OSBPL1A: variants seen among roughly 807,000 people sequenced by gnomAD.
The protein encoded by OSBPL1A is oxysterol binding protein like 1A, also known as oxysterol-binding protein-related protein 1.
Under a neutral mutation model 137.1 loss-of-function variants are expected in OSBPL1A, and 80 were observed. The ratio of observed to expected loss-of-function variants is 0.58; its 90% confidence interval spans 0.49 to 0.70. The LOEUF is 0.70. Among genes scored for constraint, OSBPL1A ranks in the 30% least tolerant of loss-of-function variants. The probability of loss-of-function intolerance (pLI) is 0.00; values close to 1 mark genes in which losing one functional copy is unlikely to be tolerated. For synonymous variants in OSBPL1A, 365 were observed against 389.7 expected, an observed-to-expected ratio of 0.94 and a Z score of 0.75; for missense variants, 970 against 1,129.4, an observed-to-expected ratio of 0.86 and a Z score of 2.02.
chr18:24,204,599 T>C (rs2087317663), intron 17 of OSBPL1A, among the ~76,000 whole-genome samples: 2 of 151,372 alleles, frequency 1.3e-5, no homozygotes, highest in South Asian at 4.2e-4. Context: ...ATTCTCTAAA[T>C]GATATATATA....
chr18:24,238,361 C>T (rs892678018), intron 16 of OSBPL1A, among the ~76,000 whole-genome samples: 2 of 152,188 alleles, frequency 1.3e-5, no homozygotes, highest in Admixed American at 6.5e-5. Flanking sequence ...CCACCCCCTT[C>T]CATGTTCCTT....
chr18:24,296,050 G>T (rs72884900), intron 14 of OSBPL1A, among the ~76,000 whole-genome samples: 7,913 of 152,084 alleles, frequency 0.052, 249 homozygotes, highest in African/African-American at 0.068. Flanking sequence ...AAATTGTGAT[G>T]GTATTTTGAT....
chr18:24,353,439 G>A (rs2091478916), intron 4 of OSBPL1A, among the ~76,000 whole-genome samples: 1 of 151,996 alleles, frequency 6.6e-6, no homozygotes, highest in Admixed American at 6.6e-5. Context: ...AGAGGATGTG[G>A]AGAAATAGGA....
At chr18:24,277,778 A>T (rs76786413) in intron 15 of OSBPL1A, among the ~76,000 whole-genome samples, 5,579 of 152,298 alleles carry the variant, frequency 0.037, 209 homozygotes, top group East Asian at 0.17. Context: ...TAACTTTAGA[A>T]ATGCCACTTA....
intron 7 of OSBPL1A, among the ~76,000 whole-genome samples, chr18:24,325,853 G>T (rs915656932): frequency 6.6e-6 from 1 of 152,180 alleles, no homozygotes; most frequent in Non-Finnish European, 1.5e-5. Context: ...AGTCTTAGAA[G>T]AAATCAAAGA....
intron 1 of OSBPL1A, among the ~76,000 whole-genome samples, chr18:24,380,838 G>C (rs1450268186): frequency 6.6e-6 from 1 of 151,926 alleles, no homozygotes; most frequent in Non-Finnish European, 1.5e-5. Flanking sequence ...TGTAATCCCA[G>C]CTACTTGGGA....
chr18:24,267,998 C>T (rs1452273317), intron 15 of OSBPL1A, among the ~76,000 whole-genome samples: 1 of 152,134 alleles, frequency 6.6e-6, no homozygotes, highest in Admixed American at 6.5e-5. Context: ...TACAATCATC[C>T]ACAGATTATG....
At chr18:24,376,177 C>A (rs1460146725) in intron 2 of OSBPL1A, among the ~76,000 whole-genome samples, 2 of 152,168 alleles carry the variant, frequency 1.3e-5, no homozygotes, top group African/African-American at 4.8e-5. Context: ...CTGGCCCCAC[C>A]CACATCCTGC....
intron 18 of OSBPL1A, among the ~76,000 whole-genome samples, chr18:24,186,410 G>A (rs993770260): frequency 6.6e-6 from 1 of 152,062 alleles, no homozygotes; most frequent in African/African-American, 2.4e-5. Flanking sequence ...AAAGCAACAT[G>A]TTCAAAAATA....
At chr18:24,311,352 T>C in intron 13 of OSBPL1A, 1 of 465,914 alleles carries the variant, frequency 2.1e-6, no homozygotes, top group Non-Finnish European at 2.8e-6. Context: ...ATAGTTCTAA[T>C]TCTTCCGAAC....
At chr18:24,246,412 G>C (rs994208623) in intron 15 of OSBPL1A, among the ~76,000 whole-genome samples, 1 of 151,932 alleles carries the variant, frequency 6.6e-6, no homozygotes, top group African/African-American at 2.4e-5. Context: ...AGGAGGGGAA[G>C]AAGTAACATT....
At chr18:24,264,529 T>C (rs1174445843) in intron 15 of OSBPL1A, among the ~76,000 whole-genome samples, 1 of 152,144 alleles carries the variant, frequency 6.6e-6, no homozygotes, top group Non-Finnish European at 1.5e-5. Flanking sequence ...AGATAAGGAA[T>C]CTTAGGAAAT....
chr18:24,195,091 G>C (rs2086988848), intron 18 of OSBPL1A, among the ~76,000 whole-genome samples: 1 of 152,088 alleles, frequency 6.6e-6, no homozygotes, highest in Admixed American at 6.5e-5. Context: ...TTGAGCCCAG[G>C]AGTTCGAGAC....
chr18:24,193,832 G>A (rs1426135379), intron 18 of OSBPL1A, among the ~76,000 whole-genome samples: 1 of 152,150 alleles, frequency 6.6e-6, no homozygotes, highest in Non-Finnish European at 1.5e-5. Flanking sequence ...AACCCAAACA[G>A]CTCTATGTTT....
chr18:24,195,247 G>A (rs995821914), intron 18 of OSBPL1A, among the ~76,000 whole-genome samples: 7 of 152,154 alleles, frequency 4.6e-5, no homozygotes, highest in African/African-American at 1.2e-4. Context: ...GCTACAGTGA[G>A]CCATGAGGGC....
chr18:24,199,876 C>T (rs1016449838), intron 17 of OSBPL1A, among the ~76,000 whole-genome samples: 1 of 152,188 alleles, frequency 6.6e-6, no homozygotes, highest in Admixed American at 6.5e-5. Context: ...AACATCATGC[C>T]AGGAACAAGA....
rs796870503 is a variant in OSBPL1A, at chr18:24,301,780, T to A, written c.1174+1857A>T. Reference sequence around the variant, plus strand: ...TATAACTGCTGATAAAAATATATGTTTGTTCAACTGAAGTAAAGAGATGCC... The same window carrying A: ...TATAACTGCTGATAAAAATATATGTATGTTCAACTGAAGTAAAGAGATGCC... On this transcript the variant is annotated intron_variant, in intron 14 of 27. Transcript: ENST00000319481. 2.2e-4 allele frequency among the ~76,000 whole-genome samples: 34 copies of A among 152,304 alleles called. 1 individual carries two copies. Among genetic ancestry groups the A allele is most frequent in the African/African-American group, 7.7e-4 (32 of 41,580 alleles).
At chr18:24,293,385 C>T (rs2090223727) in intron 14 of OSBPL1A, among the ~76,000 whole-genome samples, 1 of 152,078 alleles carries the variant, frequency 6.6e-6, no homozygotes. Context: ...AGGTAAAGCC[C>T]TGAAACGACT....
intron 22 of OSBPL1A, among the ~76,000 whole-genome samples, chr18:24,172,160 C>T (rs538865399): frequency 4.6e-5 from 7 of 151,984 alleles, no homozygotes; most frequent in Non-Finnish European, 1.0e-4. Flanking sequence ...AGGCTGGTCT[C>T]GAACTCCTGA....
Sources: gnomAD v4.1 joint callset for allele counts (sites outside exome capture counted in the v4.1 genomes callset) on GRCh38, gnomAD v4.1.1 for gene constraint, MANE v1.5 for transcripts, NCBI Gene and HGNC (gene_info 2026-07-23, HGNC 2026-07-21) for gene names.